DNAH14: variants seen among roughly 807,000 people sequenced by gnomAD.
DNAH14 encodes the protein dynein axonemal heavy chain 14.
DNAH14 carries 478 observed loss-of-function variants against 520.9 expected under a neutral mutation model. That is an observed-to-expected ratio of 0.92 (90% CI 0.85 to 0.99). DNAH14 has a LOEUF of 0.99. Ranked by LOEUF, DNAH14 falls within the 50% of genes least tolerant of loss-of-function variation. The pLI is 0.00. For missense variants in DNAH14, 4,831 were observed against 5,234.5 expected (o/e 0.92, Z 2.38); for synonymous variants, 1,581 against 1,757.2 (o/e 0.90, Z 2.51).
intron 41 of DNAH14, among the ~76,000 whole-genome samples, chr1:225,226,585 G>C (rs1372064696): frequency 6.6e-6 from 1 of 152,200 alleles, no homozygotes; most frequent in African/African-American, 2.4e-5. Flanking sequence ...TCTTAGACTG[G>C]AGCCACCATG....
intron 62 of DNAH14, 86 bp from the exon 63 acceptor site, chr1:225,324,136 A>G: frequency 6.8e-7 from 1 of 1,461,686 alleles, no homozygotes; most frequent in Admixed American, 2.1e-5. Context: ...AATATGAAAT[A>G]AAATTTCAAT....
At chr1:224,972,708 G>A (rs575712372) in intron 7 of DNAH14, among the ~76,000 whole-genome samples, 8 of 152,196 alleles carry the variant, frequency 5.3e-5, no homozygotes, top group East Asian at 1.9e-4. Context: ...CTTGTGATCC[G>A]CCTGCCTTGG....
chr1:225,172,668 C>T (rs575747149), intron 36 of DNAH14, among the ~76,000 whole-genome samples: 15 of 152,250 alleles, frequency 9.9e-5, no homozygotes, highest in East Asian at 3.9e-4. Flanking sequence ...GAATCAATAT[C>T]GTGCAAATGG....
intron 41 of DNAH14, among the ~76,000 whole-genome samples, chr1:225,223,705 G>A (rs1308182861): frequency 1.3e-5 from 2 of 152,114 alleles, no homozygotes; most frequent in African/African-American, 4.8e-5. Flanking sequence ...TCCCCTTGCA[G>A]AACAAGACAG....
intron 77 of DNAH14, among the ~76,000 whole-genome samples, chr1:225,371,482 A>C (rs1290659254): frequency 1.3e-5 from 2 of 152,172 alleles, no homozygotes; most frequent in Non-Finnish European, 2.9e-5. Flanking sequence ...CCACATAGTC[A>C]AACACTGAAA....
chr1:225,176,805 G>A (rs1234894467), intron 36 of DNAH14, among the ~76,000 whole-genome samples: 1 of 152,178 alleles, frequency 6.6e-6, no homozygotes, highest in Non-Finnish European at 1.5e-5. Flanking sequence ...CCCCAGCCAT[G>A]TGGAACTGTA....
At chr1:225,312,505 G>A (rs2094388609) in intron 60 of DNAH14, among the ~76,000 whole-genome samples, 1 of 152,178 alleles carries the variant, frequency 6.6e-6, no homozygotes, top group Non-Finnish European at 1.5e-5. Flanking sequence ...GTGAGAGAAG[G>A]CATCCTTGTC....
chr1:224,976,021 T>A (rs2061810560), intron 8 of DNAH14, among the ~76,000 whole-genome samples: 2 of 151,640 alleles, frequency 1.3e-5, no homozygotes, highest in South Asian at 4.2e-4. Context: ...TCAGTTTCCA[T>A]GTAGTTGAGC....
intron 10 of DNAH14, among the ~76,000 whole-genome samples, chr1:225,015,966 C>T (rs72470460): frequency 0.053 from 8,031 of 152,242 alleles, 324 homozygotes; most frequent in Non-Finnish European, 0.078. Flanking sequence ...GTAGCTTTGG[C>T]GCAGTCTGGG....
At chr1:225,148,846 C>A (rs900810431) in intron 31 of DNAH14, among the ~76,000 whole-genome samples, 3 of 151,974 alleles carry the variant, frequency 2.0e-5, no homozygotes, top group Admixed American at 6.6e-5. Flanking sequence ...GGATATTAGG[C>A]CTTTGTCAGA....
chr1:224,942,818 G>A lies in DNAH14; in HGVS notation c.-33-9852G>A, dbSNP rs573382199. ...TGCTGGATTACATTTATTGATTTGT[G>A]TATGTTGAACCAGCCTTGCATCCCA... On this transcript the variant is annotated intron_variant, in intron 1 of 85. Transcript: ENST00000682510. Among the ~76,000 whole-genome samples the A allele has an allele frequency of 4.7e-3, 719 of 152,242 alleles. 4 individuals are homozygous for A. Among genetic ancestry groups the A allele is most frequent in the African/African-American group, 0.016 (675 of 41,538 alleles).
At chr1:224,955,171 T>G in intron 3 of DNAH14, 73 bp downstream of exon 3, 1 of 1,469,050 alleles carries the variant, frequency 6.8e-7, no homozygotes, top group South Asian at 1.2e-5. Context: ...AAATTTTTCA[T>G]AGCATTAAAT....
intron 41 of DNAH14, among the ~76,000 whole-genome samples, chr1:225,209,787 C>G (rs2088103190): frequency 6.6e-6 from 1 of 152,094 alleles, no homozygotes; most frequent in Non-Finnish European, 1.5e-5. Flanking sequence ...TCTGCATTTC[C>G]AACTGAGGTA....
At position 225,043,276 on chromosome 1, in the gene DNAH14, GAAAA is replaced by G. The variant is rs10671374; in HGVS notation, c.1768+180_1768+183del. 1.0e-4 allele frequency among the ~76,000 whole-genome samples: 10 copies of G among 98,168 alleles called. No homozygotes were observed. In the East Asian group the frequency reaches 1.9e-3, roughly 18 times the overall value. 64.4% of individuals were successfully genotyped at this position (98,168 alleles called of 152,430 possible). A position where few individuals can be genotyped will look rare whatever the true frequency, so the allele number is the denominator to read the frequency against. ...GAGACCTTGTCTCTTGTCTCTTGGG[GAAAA>G]AAAAAAAAAAAAAAAAAGAATGGAG... On this transcript the variant is annotated intron_variant, in intron 13 of 85. Transcript: ENST00000682510.
chr1:225,019,102 C>T (rs1327593910), intron 10 of DNAH14, among the ~76,000 whole-genome samples: 1 of 152,068 alleles, frequency 6.6e-6, no homozygotes, highest in African/African-American at 2.4e-5. Context: ...GGCTAAATGC[C>T]CCACTTTAAA....
chr1:225,142,787 G>A (rs911234194), intron 28 of DNAH14, among the ~76,000 whole-genome samples: 26 of 152,106 alleles, frequency 1.7e-4, no homozygotes, highest in Non-Finnish European at 2.4e-4. Flanking sequence ...TTAGCTGGCC[G>A]TGATGGTGCA....
chr1:225,146,729 G>A (rs762008033), intron 30 of DNAH14, among the ~76,000 whole-genome samples: 4 of 152,166 alleles, frequency 2.6e-5, no homozygotes, highest in Non-Finnish European at 5.9e-5. Context: ...CACACTTTAC[G>A]CCCATCTGCC....
At chr1:225,016,956 T>G (rs1042617344) in intron 10 of DNAH14, among the ~76,000 whole-genome samples, 4 of 152,094 alleles carry the variant, frequency 2.6e-5, no homozygotes, top group African/African-American at 9.7e-5. Flanking sequence ...GTTTTCCTGG[T>G]CTCATTGAAT....
In DNAH14 at chr1:225,101,828, A is replaced by G. The variant is rs546245743; in HGVS notation, c.3867+944A>G. Among the ~76,000 whole-genome samples the G allele has an allele frequency of 2.6e-5, 4 of 152,212 alleles. No homozygotes were observed. In the South Asian group the frequency reaches 8.3e-4, roughly 32 times the overall value. ...TAGTGCTTCAATAAACACAGAGTGC[A>G]GATATGTCTTCAGTATACTGATTTC... On this transcript the variant is annotated intron_variant, in intron 23 of 85. Coordinates refer to ENST00000682510, the MANE Select transcript of DNAH14 (RefSeq NM_001367479.1).
Sources: gnomAD v4.1 joint callset for allele counts (sites outside exome capture counted in the v4.1 genomes callset) on GRCh38, gnomAD v4.1.1 for gene constraint, MANE v1.5 for transcripts, NCBI Gene and HGNC (gene_info 2026-07-23, HGNC 2026-07-21) for gene names.